The following GULP1 variants were observed in gnomAD, a reference collection of about 807,000 sequenced individuals.
GULP1 encodes the protein GULP PTB domain containing engulfment adaptor 1.
A neutral mutation model predicts 40.9 loss-of-function variants in GULP1; 19 were observed. The ratio of observed to expected loss-of-function variants is 0.46; its 90% CI spans 0.32 to 0.68. The LOEUF is 0.68. GULP1 is among the 30% of genes least tolerant of loss of function. The pLI is 0.03. For missense variants in GULP1, 312 were observed against 362.2 expected (o/e 0.86, Z 1.12); for synonymous variants, 119 against 117.6 (o/e 1.01, Z -0.08).
chr2:188,394,838 G>A (rs902177195), intron 2 of GULP1, among the ~76,000 whole-genome samples: 1 of 152,122 alleles, frequency 6.6e-6, no homozygotes, highest in Non-Finnish European at 1.5e-5. Context: ...TTGTATGATG[G>A]CTTTCTCAAA....
chr2:188,525,809 G>A (rs1686028362), intron 5 of GULP1, among the ~76,000 whole-genome samples: 1 of 152,108 alleles, frequency 6.6e-6, no homozygotes, highest in Non-Finnish European at 1.5e-5. Flanking sequence ...TTTTCCATTT[G>A]AACTCACTCT....
chr2:188,458,299 A>C (rs570893740), intron 2 of GULP1, among the ~76,000 whole-genome samples: 1 of 152,172 alleles, frequency 6.6e-6, no homozygotes, highest in Non-Finnish European at 1.5e-5. Flanking sequence ...TCCTGTTAAC[A>C]TAATTTTCCA....
At position 188,556,199 on chromosome 2, in the gene GULP1, T is replaced by C. The variant is rs1266970041; in HGVS notation, c.400-13040T>C. On this transcript the variant is annotated intron_variant, in intron 7 of 11. Transcript: ENST00000409830. ...AATTTTCAGTAATTTTAAGGTGTCA[T>C]AAATGTCGTGAAGGCTTTCCTCATT... Among the ~76,000 whole-genome samples, 4 of 152,198 alleles carry C rather than the reference T, an allele frequency of 2.6e-5. No homozygotes were observed. The East Asian group carries it at 7.7e-4, about 29-fold the overall frequency.
At chr2:188,506,094 T>C (rs572075568) in intron 4 of GULP1, among the ~76,000 whole-genome samples, 3 of 151,992 alleles carry the variant, frequency 2.0e-5, no homozygotes, top group African/African-American at 7.2e-5. Context: ...AATAAAGTTT[T>C]AGTGTGATAT....
At chr2:188,449,860 G>A (rs2058693718) in intron 2 of GULP1, among the ~76,000 whole-genome samples, 1 of 152,122 alleles carries the variant, frequency 6.6e-6, no homozygotes, top group Non-Finnish European at 1.5e-5. Context: ...GTAGGTTTTA[G>A]CAATAGTTCA....
chr2:188,577,482 A>C lies in GULP1; in HGVS notation c.610-6783A>C, dbSNP rs115537242. 4.5e-3 allele frequency among the ~76,000 whole-genome samples: 679 copies of C among 152,240 alleles called. 8 individuals carry two copies. The highest frequency in any genetic ancestry group is 0.016 in the African/African-American group (648 of 41,580). On this transcript the variant is annotated intron_variant, in intron 9 of 11. Transcript: ENST00000409830. ...TATTTGATGCCCACAAAAAATGATT[A>C]CCATTCTGCAACTTCACTTTCATAA...
At chr2:188,585,394 A>G (rs1702161403) in intron 10 of GULP1, among the ~76,000 whole-genome samples, 1 of 152,174 alleles carries the variant, frequency 6.6e-6, no homozygotes, top group African/African-American at 2.4e-5. Context: ...CTTTAACCCT[A>G]CATTTCTCCT....
intron 7 of GULP1, among the ~76,000 whole-genome samples, chr2:188,566,973 A>T (rs1323637670): frequency 2.0e-5 from 3 of 152,104 alleles, no homozygotes; most frequent in Non-Finnish European, 4.4e-5. Context: ...GGCAAAGGAT[A>T]TGAAGAGACA....
chr2:188,400,561 G>A (rs760690980), intron 2 of GULP1, among the ~76,000 whole-genome samples: 2 of 152,160 alleles, frequency 1.3e-5, no homozygotes, highest in Admixed American at 1.3e-4. Flanking sequence ...CCTAAATGTA[G>A]TGGAGTGCCA....
intron 1 of GULP1, among the ~76,000 whole-genome samples, chr2:188,307,382 A>G (rs1411891521): frequency 6.6e-6 from 1 of 152,202 alleles, no homozygotes; most frequent in Non-Finnish European, 1.5e-5. Context: ...AGAAGAAAAT[A>G]CATACCAGTT....
intron 1 of GULP1, among the ~76,000 whole-genome samples, chr2:188,322,726 G>A (rs905113957): frequency 6.6e-6 from 1 of 152,114 alleles, no homozygotes; most frequent in South Asian, 2.1e-4. Flanking sequence ...TTTATTTGAA[G>A]TTGTAGACTT....
At chr2:188,526,322 T>C (rs968515868) in intron 5 of GULP1, among the ~76,000 whole-genome samples, 2 of 152,166 alleles carry the variant, frequency 1.3e-5, no homozygotes, top group African/African-American at 4.8e-5. Flanking sequence ...GATTATTATA[T>C]TCAGGGTTTA....
intron 1 of GULP1, among the ~76,000 whole-genome samples, chr2:188,372,193 A>G (rs896785950): frequency 6.6e-6 from 1 of 152,098 alleles, no homozygotes; most frequent in Non-Finnish European, 1.5e-5. Flanking sequence ...AAGTGTTTTC[A>G]TGAATGGCAA....
chr2:188,303,312 G>T (rs1053643406), intron 1 of GULP1, among the ~76,000 whole-genome samples: 8 of 152,084 alleles, frequency 5.3e-5, no homozygotes, highest in Non-Finnish European at 1.0e-4. Context: ...ATATATTTTG[G>T]AGTATTATTG....
At chr2:188,370,817 A>G (rs2047501440) in intron 1 of GULP1, among the ~76,000 whole-genome samples, 1 of 152,136 alleles carries the variant, frequency 6.6e-6, no homozygotes, top group Non-Finnish European at 1.5e-5. Flanking sequence ...ATTGTCTTTA[A>G]GAGAATATAC....
rs896892605 is a variant in GULP1 at position 188,373,979 on chromosome 2, A to G, written c.-171-9784A>G. Among the ~76,000 whole-genome samples the G allele has an allele frequency of 7.9e-5, 12 of 152,170 alleles. No homozygotes were observed. In the East Asian group the frequency reaches 2.3e-3, roughly 29 times the overall value. On this transcript the variant is annotated intron_variant, in intron 1 of 11. Coordinates refer to ENST00000409830, the MANE Select transcript of GULP1 (RefSeq NM_016315.4). ...TCCTCTACTATCTTCAAAAGAAGTG[A>G]AGATGTAATTAATAGAATATCACAA...
At chr2:188,296,057 G>T (rs1574175988) in intron 1 of GULP1, among the ~76,000 whole-genome samples, 1 of 152,066 alleles carries the variant, frequency 6.6e-6, no homozygotes, top group Non-Finnish European at 1.5e-5. Flanking sequence ...TGAATTCAAA[G>T]ATAGTTACAG....
intron 4 of GULP1, among the ~76,000 whole-genome samples, chr2:188,520,298 G>A (rs992773170): frequency 1.3e-5 from 2 of 152,070 alleles, no homozygotes; most frequent in Admixed American, 6.6e-5. Flanking sequence ...AGCACTTTGC[G>A]GGGCTGAGGT....
intron 7 of GULP1, among the ~76,000 whole-genome samples, chr2:188,545,182 A>G (rs1455074661): frequency 1.3e-5 from 2 of 151,920 alleles, no homozygotes; most frequent in African/African-American, 4.8e-5. Context: ...TATTAGATGA[A>G]TGAAAATTAA....
Sources: gnomAD v4.1 joint callset for allele counts (sites outside exome capture counted in the v4.1 genomes callset) on GRCh38, gnomAD v4.1.1 for gene constraint, MANE v1.5 for transcripts, NCBI Gene and HGNC (gene_info 2026-07-23, HGNC 2026-07-21) for gene names.